LRTM3: variants seen among roughly 807,000 people sequenced by gnomAD.
LRTM3 encodes the protein leucine-rich repeat transmembrane protein 3.
chr13:102,753,509 GA>G, the LRTM3 span, among the ~76,000 whole-genome samples: 1 of 130,612 alleles, frequency 7.7e-6, no homozygotes, highest in Non-Finnish European at 1.7e-5. Flanking sequence ...AAAAAAAAAA[GA>G]AAAGAAAAAA....
the LRTM3 span, chr13:102,736,221 T>C: frequency 6.5e-7 from 1 of 1,548,990 alleles, no homozygotes. Flanking sequence ...GGATGAGTTT[T>C]TGTCAGAATC....
chr13:102,737,673 C>T, the LRTM3 span: 6 of 1,550,084 alleles, frequency 3.9e-6, no homozygotes, highest in African/African-American at 1.4e-5. Flanking sequence ...ATTTTTACTT[C>T]ATCCTCTTCT....
chr13:102,750,675 G>T, the LRTM3 span, among the ~76,000 whole-genome samples: 1 of 152,070 alleles, frequency 6.6e-6, no homozygotes, highest in African/African-American at 2.4e-5. Context: ...GCTGGATTAA[G>T]ATTATATTAT....
At chr13:102,739,469 C>T in the LRTM3 span, 1 of 1,550,524 alleles carries the variant, frequency 6.4e-7, no homozygotes, top group South Asian at 1.2e-5. Flanking sequence ...CTTATCTTTA[C>T]CTGCTTTTGT....
At chr13:102,758,916 T>C in the LRTM3 span, 2 of 1,528,886 alleles carry the variant, frequency 1.3e-6, no homozygotes, top group Non-Finnish European at 1.8e-6. Context: ...TTTAAAGGAA[T>C]AATATTGCTT....
At chr13:102,736,414 T>C in the LRTM3 span, 17,631 of 1,551,160 alleles carry the variant, frequency 0.011, 128 homozygotes, top group Non-Finnish European at 0.013. Context: ...ATACTGTTTG[T>C]ACTCTGTCTT....
chr13:102,732,072 G>A, the LRTM3 span: 11 of 1,551,214 alleles, frequency 7.1e-6, no homozygotes, highest in Non-Finnish European at 8.7e-6. Flanking sequence ...ACTGCAAAGG[G>A]CTGGGGATCT....
At chr13:102,735,623 A>G in the LRTM3 span, 4 of 1,551,004 alleles carry the variant, frequency 2.6e-6, no homozygotes, top group East Asian at 2.4e-5. Context: ...TTTGGGGAGC[A>G]TTTTGTCTTC....
At chr13:102,749,460 C>T in the LRTM3 span, 27 of 1,551,256 alleles carry the variant, frequency 1.7e-5, no homozygotes, top group Non-Finnish European at 2.4e-5. Context: ...GTGTCTTGCC[C>T]CTTAATTGAA....
At chr13:102,733,425 C>T in the LRTM3 span, 6 of 1,551,346 alleles carry the variant, frequency 3.9e-6, no homozygotes, top group South Asian at 2.4e-5. Context: ...GCGTATCTCT[C>T]TGAAACAGAA....
chr13:102,737,346 C>A, the LRTM3 span: 1 of 1,550,844 alleles, frequency 6.4e-7, no homozygotes, highest in Non-Finnish European at 8.7e-7. Context: ...TCTTCCTCTC[C>A]TTCTTTTCTT....
At chr13:102,737,347 T>C in the LRTM3 span, 6 of 1,550,940 alleles carry the variant, frequency 3.9e-6, no homozygotes, top group East Asian at 9.8e-5. Context: ...CTTCCTCTCC[T>C]TCTTTTCTTG....
the LRTM3 span, chr13:102,744,798 T>A: frequency 5.2e-6 from 8 of 1,550,670 alleles, no homozygotes; most frequent in Admixed American, 1.4e-4. Flanking sequence ...TCCATGTCAG[T>A]CAAATTGGCC....
At chr13:102,758,289 T>A in the LRTM3 span, 1 of 626,978 alleles carries the variant, frequency 1.6e-6, no homozygotes, top group East Asian at 2.8e-5. Context: ...TTAGATTGAA[T>A]CATGATATTG....
the LRTM3 span, chr13:102,733,948 T>A: frequency 6.4e-7 from 1 of 1,551,348 alleles, no homozygotes. Context: ...GAGTTCGCTG[T>A]GGACAAGATG....
chr13:102,744,736 A>T, the LRTM3 span: 3 of 1,550,604 alleles, frequency 1.9e-6, no homozygotes, highest in Non-Finnish European at 2.6e-6. Flanking sequence ...GAATATTTTT[A>T]TCTTCCCTTT....
At chr13:102,755,962 T>TACA in the LRTM3 span, among the ~76,000 whole-genome samples, 8 of 56,646 alleles carry the variant, frequency 1.4e-4, no homozygotes, top group South Asian at 6.9e-4. Context: ...TATATATATA[T>TACA]TTTTTTTTTT....
At chr13:102,729,894 G>C in the LRTM3 span, 2 of 1,551,890 alleles carry the variant, frequency 1.3e-6, no homozygotes, top group Non-Finnish European at 1.7e-6. Flanking sequence ...GGGTGCCTGT[G>C]AGACTTGCCT....
chr13:102,739,414 T>C, the LRTM3 span: 1 of 1,550,556 alleles, frequency 6.4e-7, no homozygotes, highest in African/African-American at 1.4e-5. Flanking sequence ...CATTTGATGA[T>C]GCCTGGAGCT....
Sources: allele counts gnomAD v4.1 joint callset (sites outside exome capture counted in the v4.1 genomes callset), GRCh38; gene constraint gnomAD v4.1.1; transcripts MANE v1.5; gene names NCBI Gene and HGNC (gene_info 2026-07-23, HGNC 2026-07-21).